Variants in SH3KBP1 observed in about 807,000 individuals in gnomAD.
SH3KBP1 encodes the protein SH3 domain containing kinase binding protein 1.
SH3KBP1 carries 8 observed loss-of-function variants against 50.1 expected under a neutral mutation model. The ratio of observed to expected loss-of-function variants is 0.16; its 90% CI spans 0.09 to 0.29. The LOEUF (loss-of-function observed/expected upper bound fraction) is 0.29. SH3KBP1 is among the 10% of genes least tolerant of loss of function. The pLI, the probability that SH3KBP1 is intolerant of heterozygous loss-of-function variation, is 1.00. For synonymous variants in SH3KBP1, 227 were observed against 218.6 expected (o/e 1.04, Z -0.34); for missense variants, 377 against 535.2 (o/e 0.70, Z 2.92).
chrX:19,801,589 T>C (rs1459729880), intron 2 of SH3KBP1, among the ~76,000 whole-genome samples: 1 of 111,810 alleles, frequency 8.9e-6, no homozygotes, highest in African/African-American at 3.3e-5. Context: ...AGGTGAGTGG[T>C]TGCCTAGGGC....
intron 6 of SH3KBP1, among the ~76,000 whole-genome samples, chrX:19,655,333 A>T (rs957202990): frequency 4.5e-5 from 5 of 112,044 alleles, no homozygotes; most frequent in African/African-American, 1.6e-4. Context: ...CAAAGGTGAG[A>T]TGGGCAGAGT....
At chrX:19,813,069 G>C (rs2067253011) in intron 2 of SH3KBP1, among the ~76,000 whole-genome samples, 1 of 109,341 alleles carries the variant, frequency 9.1e-6, no homozygotes, top group Admixed American at 9.7e-5. Flanking sequence ...CTTGAGCCTT[G>C]GAGGTCGAGG....
At chrX:19,742,379 G>A (rs1291346271) in intron 3 of SH3KBP1, among the ~76,000 whole-genome samples, 1 of 111,129 alleles carries the variant, frequency 9.0e-6, no homozygotes, top group Non-Finnish European at 1.9e-5. Flanking sequence ...GGGATTACAG[G>A]AATGAGTCAC....
intron 2 of SH3KBP1, among the ~76,000 whole-genome samples, chrX:19,792,178 A>G (rs915348141): frequency 2.7e-5 from 3 of 112,061 alleles, no homozygotes; most frequent in South Asian, 3.7e-4. Flanking sequence ...ACAACAAAAT[A>G]CTACAAACCT....
At chrX:19,756,159 TA>T (rs1485600861) in intron 2 of SH3KBP1, among the ~76,000 whole-genome samples, 1 of 111,469 alleles carries the variant, frequency 9.0e-6, no homozygotes, top group African/African-American at 3.3e-5. Flanking sequence ...CAGTGCTCAG[TA>T]CACAGAAGGA....
chrX:19,657,598 T>C (rs1215382445), intron 6 of SH3KBP1, among the ~76,000 whole-genome samples: 2 of 107,625 alleles, frequency 1.9e-5, no homozygotes, highest in Non-Finnish European at 1.9e-5. Context: ...CATGGTGGCA[T>C]GCACCTGTAA....
At chrX:19,545,560 G>A (rs929272288) in intron 15 of SH3KBP1, among the ~76,000 whole-genome samples, 1 of 111,752 alleles carries the variant, frequency 8.9e-6, no homozygotes, top group Non-Finnish European at 1.9e-5. Flanking sequence ...GTGGGCAGAG[G>A]GCACAGCATT....
chrX:19,601,261 G>A lies in SH3KBP1; in HGVS notation c.1006-6261C>T, dbSNP rs772710344. Reference sequence around the variant, plus strand: ...TACCAGGAAGGAAATAGATATAAACGTTCTGGAATGAGAATGGCAGGAAGA... The same window carrying A: ...TACCAGGAAGGAAATAGATATAAACATTCTGGAATGAGAATGGCAGGAAGA... On this transcript the variant is annotated intron_variant, in intron 9 of 17. Transcript: ENST00000397821. Among the ~76,000 whole-genome samples, 13 of 111,495 alleles carry A rather than the reference G, an allele frequency of 1.2e-4. No individual in the cohort carries two copies. The South Asian group carries it at 3.0e-3, about 26-fold the overall frequency.
intron 12 of SH3KBP1, among the ~76,000 whole-genome samples, chrX:19,571,298 A>G (rs1468568278): frequency 8.9e-6 from 1 of 111,918 alleles, no homozygotes; most frequent in African/African-American, 3.2e-5. Context: ...TAGGCTTCAG[A>G]GAAGGACCTT....
At chrX:19,750,205 C>T (rs886189337) in intron 2 of SH3KBP1, among the ~76,000 whole-genome samples, 2 of 111,701 alleles carry the variant, frequency 1.8e-5, no homozygotes, top group Admixed American at 9.5e-5. Context: ...ATTACAGGCA[C>T]GTGCCACCTC....
intron 2 of SH3KBP1, among the ~76,000 whole-genome samples, chrX:19,764,697 G>A (rs781633533): frequency 9.0e-6 from 1 of 111,550 alleles, no homozygotes; most frequent in African/African-American, 3.3e-5. Flanking sequence ...ATTACTAAGT[G>A]CCTTAATATA....
intron 3 of SH3KBP1, among the ~76,000 whole-genome samples, chrX:19,740,039 TA>T (rs983964952): frequency 2.4e-4 from 27 of 110,807 alleles, no homozygotes; most frequent in African/African-American, 8.9e-4. Context: ...AAAAAAAATC[TA>T]AAAACCGATT....
chrX:19,751,027 A>G (rs2065050608), intron 2 of SH3KBP1, among the ~76,000 whole-genome samples: 1 of 111,561 alleles, frequency 9.0e-6, no homozygotes, highest in Non-Finnish European at 1.9e-5. Flanking sequence ...TGGCATGACT[A>G]TAGGAGGGAG....
intron 7 of SH3KBP1, among the ~76,000 whole-genome samples, chrX:19,639,927 T>C (rs1393778471): frequency 1.2e-4 from 12 of 102,504 alleles, no homozygotes; most frequent in African/African-American, 3.8e-5. Context: ...TTTTTTTTTT[T>C]CCTATTTAAA....
At chrX:19,607,877 C>T in intron 9 of SH3KBP1, 61 bp downstream of exon 9, 1 of 968,683 alleles carries the variant, frequency 1.0e-6, no homozygotes, top group Admixed American at 2.2e-5. Flanking sequence ...CAAACTTCCC[C>T]CATCCCAAGT....
At chrX:19,625,958 C>T (rs1203927639) in intron 8 of SH3KBP1, among the ~76,000 whole-genome samples, 1 of 111,796 alleles carries the variant, frequency 8.9e-6, no homozygotes, top group Admixed American at 9.5e-5. Context: ...CACTCTGGGC[C>T]TCTGCTCCTC....
chrX:19,657,554 C>T (rs1262827318), intron 6 of SH3KBP1, among the ~76,000 whole-genome samples: 3 of 108,512 alleles, frequency 2.8e-5, no homozygotes, highest in Non-Finnish European at 3.8e-5. Flanking sequence ...ATGGTGAAAC[C>T]CTGTCTCTAC....
chrX:19,549,456 C>G (rs2065178951), intron 14 of SH3KBP1, among the ~76,000 whole-genome samples: 1 of 111,546 alleles, frequency 9.0e-6, no homozygotes, highest in Admixed American at 9.6e-5. Flanking sequence ...TCCAATCAGT[C>G]TCTCCTTCAT....
At chrX:19,762,973 T>G (rs1196147871) in intron 2 of SH3KBP1, among the ~76,000 whole-genome samples, 1 of 112,173 alleles carries the variant, frequency 8.9e-6, no homozygotes, top group Non-Finnish European at 1.9e-5. Flanking sequence ...TGAGGCAATC[T>G]CCTTTCTAAA....
Sources: gnomAD v4.1 joint callset for allele counts (sites outside exome capture counted in the v4.1 genomes callset) on GRCh38, gnomAD v4.1.1 for gene constraint, MANE v1.5 for transcripts, NCBI Gene and HGNC (gene_info 2026-07-23, HGNC 2026-07-21) for gene names.